SIPA1L1: variants seen among roughly 807,000 people sequenced by gnomAD.
SIPA1L1 encodes the protein signal induced proliferation associated 1 like 1.
SIPA1L1 carries 26 observed loss-of-function variants against 162.7 expected under a neutral mutation model. The ratio of observed to expected loss-of-function variants is 0.16; its 90% CI spans 0.12 to 0.22. The LOEUF is 0.22. SIPA1L1 is among the 10% of genes least tolerant of loss of function. SIPA1L1 has a pLI of 1.00. For synonymous variants in SIPA1L1, 829 were observed against 837.4 expected (o/e 0.99, Z 0.17); for missense variants, 1,874 against 2,241.0 (o/e 0.84, Z 3.31).
At chr14:71,680,508 A>G (rs974901259) in intron 12 of SIPA1L1, among the ~76,000 whole-genome samples, 14 of 152,198 alleles carry the variant, frequency 9.2e-5, no homozygotes, top group African/African-American at 3.1e-4. Context: ...CCCTAACATC[A>G]CAATCAGAAG....
chr14:71,389,138 A>G, intron 2 of SIPA1L1, among the ~76,000 whole-genome samples: 1 of 152,190 alleles, frequency 6.6e-6, no homozygotes, highest in Non-Finnish European at 1.5e-5. Context: ...GATTGTTTCA[A>G]AGATAGGAAG....
intron 2 of SIPA1L1, among the ~76,000 whole-genome samples, chr14:71,458,956 C>T (rs1047040265): frequency 6.6e-5 from 10 of 151,756 alleles, no homozygotes; most frequent in Admixed American, 6.6e-4. Context: ...TCCTGTAATC[C>T]CAGTTACTTG....
chr14:71,519,670 AT>A (rs1466203574), intron 3 of SIPA1L1, among the ~76,000 whole-genome samples: 3 of 144,862 alleles, frequency 2.1e-5, no homozygotes, highest in South Asian at 4.3e-4. Context: ...AAACAAATAA[AT>A]TAAAAAAAAA....
At chr14:71,429,200 T>G (rs925263748) in intron 2 of SIPA1L1, among the ~76,000 whole-genome samples, 2 of 152,196 alleles carry the variant, frequency 1.3e-5, no homozygotes, top group Non-Finnish European at 2.9e-5. Context: ...AAGATTAATT[T>G]TTTAATAGAA....
At chr14:71,398,415 T>C (rs2041399935) in intron 2 of SIPA1L1, 1 of 152,238 alleles carries the variant, frequency 6.6e-6, no homozygotes, top group Admixed American at 6.5e-5. Flanking sequence ...TGAAAATGAA[T>C]TGTAGCATTT....
At chr14:71,530,476 G>T (rs2053327922) in intron 4 of SIPA1L1, among the ~76,000 whole-genome samples, 1 of 151,550 alleles carries the variant, frequency 6.6e-6, no homozygotes, top group South Asian at 2.1e-4. Flanking sequence ...CTTGTTCTTT[G>T]TGTTTTCTTA....
At chr14:71,539,368 A>C (rs577166901) in intron 4 of SIPA1L1, among the ~76,000 whole-genome samples, 2 of 152,322 alleles carry the variant, frequency 1.3e-5, no homozygotes, top group East Asian at 1.9e-4. Context: ...TGCTTTTGAC[A>C]ATACTGTTTC....
intron 5 of SIPA1L1, among the ~76,000 whole-genome samples, chr14:71,596,316 G>C (rs980479900): frequency 6.6e-6 from 1 of 152,166 alleles, no homozygotes; most frequent in Non-Finnish European, 1.5e-5. Context: ...AGCATGCTCA[G>C]CTATTGACTA....
chr14:71,372,692 A>G (rs962123303), intron 2 of SIPA1L1, among the ~76,000 whole-genome samples: 1 of 152,160 alleles, frequency 6.6e-6, no homozygotes, highest in Admixed American at 6.5e-5. Context: ...ACCGAGGTTA[A>G]GTGGTATTAT....
intron 4 of SIPA1L1, among the ~76,000 whole-genome samples, chr14:71,579,757 T>C (rs1255306415): frequency 6.6e-6 from 1 of 152,260 alleles, no homozygotes; most frequent in Non-Finnish European, 1.5e-5. Context: ...ATTGTTCTTA[T>C]GCTCCTTTCT....
In SIPA1L1 at chr14:71,627,131, C is replaced by CTTTTTTTTTT. The variant is rs71105788; in HGVS notation, c.1818+2929_1818+2938dup. Among the ~76,000 whole-genome samples, 38 of 48,786 alleles carry CTTTTTTTTTT rather than the reference C, an allele frequency of 7.8e-4. 1 individual carries two copies. Among genetic ancestry groups the CTTTTTTTTTT allele is most frequent in the East Asian group, 1.7e-3 (2 of 1,174 alleles). The allele number at this position is 48,786 out of a possible 152,430, so 32.0% of individuals were successfully genotyped here. A position where few individuals can be genotyped will look rare whatever the true frequency, so the allele number is the denominator to read the frequency against. ...TGATGCCTTTCTGGGACTTTCACTA[C>CTTTTTTTTTT]TTTTTTTTTTTTTTTTTTTTTTTTT... On this transcript the variant is annotated intron_variant, in intron 7 of 23. Coordinates refer to ENST00000381232, the MANE Select transcript of SIPA1L1 (RefSeq NM_001386936.1).
intron 2 of SIPA1L1, among the ~76,000 whole-genome samples, chr14:71,355,501 A>G (rs1260448695): frequency 6.6e-6 from 1 of 152,200 alleles, no homozygotes; most frequent in Non-Finnish European, 1.5e-5. Flanking sequence ...GCATTAGATC[A>G]CCTTGCCTGC....
chr14:71,655,700 T>G (rs775440668), intron 8 of SIPA1L1, among the ~76,000 whole-genome samples: 17 of 152,228 alleles, frequency 1.1e-4, no homozygotes, highest in Non-Finnish European at 1.8e-4. Context: ...GTGGTTTTAA[T>G]GTACATTTCT....
chr14:71,346,934 T>C (rs1362215477), intron 2 of SIPA1L1, among the ~76,000 whole-genome samples: 15 of 152,050 alleles, frequency 9.9e-5, no homozygotes, highest in Non-Finnish European at 1.3e-4. Flanking sequence ...GGATGTTTCA[T>C]GTAAATTTAA....
chr14:71,396,151 C>A (rs1249159101), intron 2 of SIPA1L1, among the ~76,000 whole-genome samples: 1 of 152,112 alleles, frequency 6.6e-6, no homozygotes, highest in Non-Finnish European at 1.5e-5. Context: ...GCCATCTAGC[C>A]ACTTATCCAT....
chr14:71,357,228 A>G (rs1480316972), intron 2 of SIPA1L1, among the ~76,000 whole-genome samples: 1 of 151,952 alleles, frequency 6.6e-6, no homozygotes, highest in Non-Finnish European at 1.5e-5. Flanking sequence ...TAATGTTATA[A>G]TTTTTAATAG....
Position 71,740,495 on chromosome 14 carries a change from A to G in SIPA1L1, c.*1334A>G, listed in dbSNP as rs1210430149. The G allele has an allele frequency of 6.6e-6, 1 of 151,884 alleles. No homozygotes were observed. The highest frequency in any genetic ancestry group is 1.9e-4 in the East Asian group (1 of 5,178). 9.4% of individuals were successfully genotyped at this position (151,884 alleles called of 1,614,324 possible). A position where few individuals can be genotyped will look rare whatever the true frequency, so the allele number is the denominator to read the frequency against. On this transcript the variant is annotated 3_prime_UTR_variant, in exon 24 of 24. Coordinates refer to ENST00000381232, the MANE Select transcript of SIPA1L1 (RefSeq NM_001386936.1). Reference sequence around the variant, plus strand: ...TGCCTTCATAACTGTCACTAAACCGACCCCTCTGCCCTTTCAGTGGCAACT... The same window carrying G: ...TGCCTTCATAACTGTCACTAAACCGGCCCCTCTGCCCTTTCAGTGGCAACT...
At chr14:71,590,036 AAAAAAAAAATATATATATATATAT>A (rs1305878870) in intron 5 of SIPA1L1, among the ~76,000 whole-genome samples, 2 of 74,376 alleles carry the variant, frequency 2.7e-5, no homozygotes, top group Non-Finnish European at 2.7e-5. Flanking sequence ...AAAAAAAAAA[AAAAAAAAAATATATATATATATAT>A]ATATATATAT....
At chr14:71,693,648 G>C (rs1020465472) in intron 13 of SIPA1L1, among the ~76,000 whole-genome samples, 1 of 152,008 alleles carries the variant, frequency 6.6e-6, no homozygotes, top group African/African-American at 2.4e-5. Context: ...AACACAACTT[G>C]TTCAAACTAC....
Sources: gnomAD v4.1 joint callset for allele counts (sites outside exome capture counted in the v4.1 genomes callset) on GRCh38, gnomAD v4.1.1 for gene constraint, MANE v1.5 for transcripts, NCBI Gene and HGNC (gene_info 2026-07-23, HGNC 2026-07-21) for gene names.